ERCC6: variants seen among roughly 807,000 people sequenced by gnomAD.
The protein encoded by ERCC6 is DNA excision repair protein ERCC-6.
ERCC6 carries 116 observed loss-of-function variants against 158.7 expected under a neutral mutation model. The observed-to-expected ratio is 0.73, with a 90% CI of 0.63 to 0.85. The LOEUF (loss-of-function observed/expected upper bound fraction) is 0.85, where lower values mean the gene tolerates loss of function less well. Among genes scored for constraint, ERCC6 ranks in the 40% least tolerant of loss-of-function variants. The pLI, the probability that ERCC6 is intolerant of heterozygous loss-of-function variation, is 0.00. For missense variants in ERCC6, 1,698 were observed against 1,799.4 expected, an observed-to-expected ratio of 0.94 and a Z score of 1.02; for synonymous variants, 678 against 659.3, an observed-to-expected ratio of 1.03 and a Z score of -0.43.
chr10:49,504,215 A>T (rs1239217633), intron 6 of ERCC6: 2 of 152,156 alleles, frequency 1.3e-5, no homozygotes, highest in African/African-American at 4.8e-5. Context: ...GACTCTATCA[A>T]TCCTATTAAT....
chr10:49,439,176 C>T, the ERCC6 span, among the ~76,000 whole-genome samples: 1 of 152,256 alleles, frequency 6.6e-6, no homozygotes, highest in Non-Finnish European at 1.5e-5. Context: ...TTTCCTTCCA[C>T]ACTGCCCTAG....
chr10:49,524,021 C>A lies in ERCC6; in HGVS notation c.1397+12G>T. Reference sequence around the variant, plus strand: ...AAACAGTACAATGTATTTATAATCCCCACAGACCGACCTTAACCGCTGCTT... The same window carrying A: ...AAACAGTACAATGTATTTATAATCCACACAGACCGACCTTAACCGCTGCTT... On this transcript the variant is annotated intron_variant, in intron 5 of 20. Transcript: ENST00000355832. 13 of 1,612,600 alleles carry A rather than the reference C, an allele frequency of 8.1e-6. No individual in the cohort carries two copies. The highest frequency in any genetic ancestry group is 1.1e-5 in the Non-Finnish European group (13 of 1,179,948).
At position 49,482,771 on chromosome 10, in the gene ERCC6, T is replaced by C. The variant is rs1001286484; in HGVS notation, c.2085A>G (p.Gly695=). The change falls in exon 10 of 21, where the codon GGA becomes GGG. Residue 695 remains glycine, a synonymous_variant. Transcript: ENST00000355832. The part of the protein sequence containing the change: ...LWSLFDFIFP[G]KLGTLPVFME... The stretch of plus-strand genomic sequence containing the variant: ...TAAACACAGGCAACGTGCCTAACTT[T>C]CCCGGGAAGATGAAGTCAAAGAGCG... 6.2e-7 allele frequency: 1 copy of C among 1,613,734 alleles called. No individual in the cohort carries two copies.
rs767069804 is a variant in ERCC6, at chr10:49,470,908, C to T, written c.3071-19G>A. 3 of 1,613,438 alleles carry T rather than the reference C, an allele frequency of 1.9e-6. No individual in the cohort carries two copies. Among genetic ancestry groups the T allele is most frequent in the Admixed American group, 3.3e-5 (2 of 59,988 alleles). ...CCAGTTCCTGTAAAGAGGAAAAACA[C>T]CACTAATACTATATTGTATCATCTT... On this transcript the variant is annotated intron_variant, in intron 17 of 20. Coordinates refer to ENST00000355832, the MANE Select transcript of ERCC6 (RefSeq NM_000124.4).
chr10:49,460,719 G>A (rs746764132), intron 19 of ERCC6, among the ~76,000 whole-genome samples: 2 of 152,050 alleles, frequency 1.3e-5, no homozygotes, highest in African/African-American at 2.4e-5. Flanking sequence ...TCAGGAGGTC[G>A]AGACTAGCCT....
downstream of ERCC6, among the ~76,000 whole-genome samples, chr10:49,450,991 T>A (rs779362198): frequency 6.6e-6 from 1 of 152,082 alleles, no homozygotes; most frequent in Non-Finnish European, 1.5e-5. Context: ...TTTTGTATTT[T>A]TAGTGGAGAC....
chr10:49,483,631 A>G, intron 8 of ERCC6, 115 bp from the exon 9 acceptor site: 1 of 1,023,466 alleles, frequency 9.8e-7, no homozygotes, highest in Non-Finnish European at 1.5e-6. Flanking sequence ...TAACATGCAC[A>G]ATCACAGACA....
intron 10 of ERCC6, among the ~76,000 whole-genome samples, chr10:49,480,531 G>A (rs1850959939): frequency 6.6e-6 from 1 of 152,104 alleles, no homozygotes; most frequent in Non-Finnish European, 1.5e-5. Flanking sequence ...CGCTAGGAAG[G>A]GGAGAAAGAT....
chr10:49,453,981 T>A (rs142978631), downstream of ERCC6, among the ~76,000 whole-genome samples: 674 of 152,322 alleles, frequency 4.4e-3, 3 homozygotes, highest in African/African-American at 0.016. Context: ...TTCACTAAGC[T>A]TCCTAGATGT....
intron 7 of ERCC6, 127 bp from the exon 8 acceptor site, chr10:49,493,379 T>C: frequency 8.5e-7 from 1 of 1,169,780 alleles, no homozygotes; most frequent in Non-Finnish European, 1.2e-6. Flanking sequence ...CTATGGAAAT[T>C]TATTGATATT....
At position 49,482,859 on chromosome 10, in the gene ERCC6, C is replaced by T. The variant is rs769904341; in HGVS notation, c.1997G>A (p.Arg666His). 1.8e-5 allele frequency: 29 copies of T among 1,613,804 alleles called. No homozygotes were observed. Among genetic ancestry groups the T allele is most frequent in the South Asian group, 1.5e-4 (14 of 91,040 alleles). The change falls in exon 10 of 21, where the codon CGC becomes CAC. Residue 666 changes from arginine (R) to histidine (H), a missense_variant. Coordinates refer to ENST00000355832, the MANE Select transcript of ERCC6 (RefSeq NM_000124.4). ...AGACAGAATGATCCGATGAGGGGTGCGAAACTATTTGAGGAAAGGAAGCAC... is the reference window on the plus strand; with the variant it reads ...AGACAGAATGATCCGATGAGGGGTGTGAAACTATTTGAGGAAAGGAAGCAC... ...AAVTLACKQF[R>H]TPHRIILSGS...
At chr10:49,463,849 G>A (rs1850625538) in intron 18 of ERCC6, among the ~76,000 whole-genome samples, 1 of 152,132 alleles carries the variant, frequency 6.6e-6, no homozygotes, top group African/African-American at 2.4e-5. Flanking sequence ...ATGACTGTGA[G>A]GCCTCCACAG....
In ERCC6 at chr10:49,456,325, G is replaced by C. The variant is rs547693576; in HGVS notation, c.*2490C>G. On this transcript the variant is annotated 3_prime_UTR_variant, in exon 21 of 21. Coordinates refer to ENST00000355832, the MANE Select transcript of ERCC6 (RefSeq NM_000124.4). ...CAGCAAGAAAGGGGAATGTCAAGGA[G>C]AGTGCATACCCTGCTTCTTTAAAGG... 1 of 152,350 alleles carries C rather than the reference G, an allele frequency of 6.6e-6. No homozygotes were observed. Among genetic ancestry groups the C allele is most frequent in the Admixed American group, 6.5e-5 (1 of 15,300 alleles). The allele number at this position is 152,350 out of a possible 1,614,324, so 9.4% of individuals were successfully genotyped here.
At position 49,458,964 on chromosome 10, in the gene ERCC6, C is replaced by T; in HGVS notation, c.4333G>A (p.Ala1445Thr). ...IAFQAHTDGQASTREILQEFE... is the reference protein window; with the variant it reads ...IAFQAHTDGQTSTREILQEFE... Reference sequence around the variant, plus strand: ...TCCTGCAGTATCTCCCTGGTGCTGGCCTGGCCATCAGTGTGGGCCTGGAAA... The same window carrying T: ...TCCTGCAGTATCTCCCTGGTGCTGGTCTGGCCATCAGTGTGGGCCTGGAAA... The change falls in exon 21 of 21, where the codon GCC (alanine) becomes ACC (threonine). Residue 1445 changes from alanine (A) to threonine (T), a missense_variant. Physicochemically the swap from Ala to Thr is moderately conservative, Grantham distance 58 (BLOSUM62 0). Coordinates refer to ENST00000355832, the MANE Select transcript of ERCC6 (RefSeq NM_000124.4). 1.2e-6 allele frequency: 2 copies of T among 1,614,174 alleles called. No individual in the cohort carries two copies. The highest frequency in any genetic ancestry group is 2.2e-5 in the East Asian group (1 of 44,878).
intron 15 of ERCC6, 168 bp downstream of exon 15, chr10:49,472,741 G>A (rs1339478069): frequency 2.6e-5 from 22 of 836,424 alleles, no homozygotes; most frequent in Non-Finnish European, 3.4e-5. Context: ...GATGGTTCCT[G>A]TCCATTTGAC....
chr10:49,492,673 C>T (rs188867799), intron 8 of ERCC6, among the ~76,000 whole-genome samples: 43 of 152,236 alleles, frequency 2.8e-4, no homozygotes, highest in African/African-American at 7.9e-4. Flanking sequence ...ACAATACTTG[C>T]GAAATTCTCA....
chr10:49,479,759 G>A (rs1380952298), intron 10 of ERCC6, among the ~76,000 whole-genome samples: 4 of 152,192 alleles, frequency 2.6e-5, no homozygotes, highest in African/African-American at 9.7e-5. Flanking sequence ...ACCAGGGCTA[G>A]GCTGGGGAAC....
rs975309038 is a variant in ERCC6 at position 49,468,343 on chromosome 10, C to A, written c.3778+1839G>T. On this transcript the variant is annotated intron_variant, in intron 18 of 20. Coordinates refer to ENST00000355832, the MANE Select transcript of ERCC6 (RefSeq NM_000124.4). ...TTTCAACAGAGGGTCTGCCTGGACT[C>A]CCATCTGGGTTCTCCCTCTTTCTGT... Among the ~76,000 whole-genome samples the A allele has an allele frequency of 2.6e-5, 4 of 152,320 alleles. 1 individual carries two copies. The highest frequency in any genetic ancestry group is 2.6e-4 in the Admixed American group (4 of 15,304).
intron 5 of ERCC6, among the ~76,000 whole-genome samples, chr10:49,508,752 A>G (rs1232070470): frequency 6.6e-6 from 1 of 152,186 alleles, no homozygotes; most frequent in African/African-American, 2.4e-5. Flanking sequence ...TAGCCAAAAT[A>G]GACCTGACCA....
Sources: gnomAD v4.1 joint callset for allele counts (sites outside exome capture counted in the v4.1 genomes callset) on GRCh38, gnomAD v4.1.1 for gene constraint, MANE v1.5 for transcripts, NCBI Gene and HGNC (gene_info 2026-07-23, HGNC 2026-07-21) for gene names.